Variants in PCDH15 observed in about 807,000 individuals in gnomAD.
PCDH15 encodes the protein protocadherin-15.
PCDH15 carries 129 observed loss-of-function variants against 178.5 expected under a neutral mutation model. The observed-to-expected ratio is 0.72, with a 90% CI of 0.63 to 0.84. The LOEUF (loss-of-function observed/expected upper bound fraction) is 0.84, where lower values mean the gene tolerates loss of function less well. Among genes scored for constraint, PCDH15 ranks in the 40% least tolerant of loss-of-function variants. The probability of loss-of-function intolerance (pLI) is 0.00; values close to 1 mark genes in which losing one functional copy is unlikely to be tolerated. For missense variants in PCDH15, 2,230 were observed against 2,099.9 expected, an observed-to-expected ratio of 1.06 and a Z score of -1.21; for synonymous variants, 800 against 732.0, an observed-to-expected ratio of 1.09 and a Z score of -1.50.
intron 18 of PCDH15, among the ~76,000 whole-genome samples, chr10:54,053,338 A>G (rs1444280876): frequency 1.3e-5 from 2 of 152,196 alleles, no homozygotes; most frequent in African/African-American, 4.8e-5. Flanking sequence ...ATGTCATTAA[A>G]TTTAGTTTCA....
At chr10:54,668,821 C>G (rs765519667) in intron 1 of PCDH15, among the ~76,000 whole-genome samples, 1 of 152,176 alleles carries the variant, frequency 6.6e-6, no homozygotes, top group Non-Finnish European at 1.5e-5. Flanking sequence ...TGAGAAACCC[C>G]ATACCAATAC....
intron 6 of PCDH15, among the ~76,000 whole-genome samples, chr10:54,331,252 C>A (rs1939491823): frequency 6.6e-6 from 1 of 151,754 alleles, no homozygotes; most frequent in African/African-American, 2.4e-5. Context: ...GAGCTGTGAT[C>A]TGTCTCCTTT....
At chr10:55,624,537 A>G (rs1837482704) in intron 2 of PCDH15, among the ~76,000 whole-genome samples, 1 of 152,140 alleles carries the variant, frequency 6.6e-6, no homozygotes, top group South Asian at 2.1e-4. Context: ...CTTTTTGTCT[A>G]TTGATATGTG....
intron 18 of PCDH15, among the ~76,000 whole-genome samples, chr10:54,043,393 C>A (rs1369907796): frequency 6.6e-6 from 1 of 151,878 alleles, no homozygotes; most frequent in Non-Finnish European, 1.5e-5. Context: ...CTCTCTTTCT[C>A]TTTCTTTCTT....
chr10:54,057,185 G>T (rs903702409), intron 18 of PCDH15, among the ~76,000 whole-genome samples: 15 of 152,134 alleles, frequency 9.9e-5, no homozygotes, highest in African/African-American at 3.4e-4. Flanking sequence ...ACTATTCTTG[G>T]GGCTGGAGGA....
At chr10:53,903,132 C>A (rs1207659454) in intron 26 of PCDH15, 111 bp downstream of exon 26, 18 of 1,264,066 alleles carry the variant, frequency 1.4e-5, no homozygotes, top group Non-Finnish European at 1.9e-5. Flanking sequence ...AAGTTTCAGG[C>A]TTTTGTTTAT....
intron 3 of PCDH15, among the ~76,000 whole-genome samples, chr10:54,489,714 C>T (rs1488469095): frequency 6.6e-6 from 1 of 152,114 alleles, no homozygotes; most frequent in African/African-American, 2.4e-5. Context: ...AACCTCAGAA[C>T]ATAATTACTA....
intron 3 of PCDH15, among the ~76,000 whole-genome samples, chr10:54,470,528 G>T (rs2077838307): frequency 6.6e-6 from 1 of 152,044 alleles, no homozygotes; most frequent in Non-Finnish European, 1.5e-5. Context: ...CTTCAGTGTG[G>T]GTATGGCACC....
intron 2 of PCDH15, among the ~76,000 whole-genome samples, chr10:55,155,197 T>C (rs1417982858): frequency 6.6e-6 from 1 of 152,124 alleles, no homozygotes; most frequent in African/African-American, 2.4e-5. Context: ...CATTACAGAA[T>C]ATATGTCTAA....
chr10:55,539,358 CATT>C (rs780828110), intron 2 of PCDH15, among the ~76,000 whole-genome samples: 3 of 151,816 alleles, frequency 2.0e-5, no homozygotes, highest in Non-Finnish European at 4.4e-5. Context: ...TCATCATTAT[CATT>C]ATGATCATCA....
chr10:55,398,652 T>C (rs1442456816), intron 2 of PCDH15, among the ~76,000 whole-genome samples: 1 of 152,202 alleles, frequency 6.6e-6, no homozygotes, highest in Non-Finnish European at 1.5e-5. Context: ...TTTCTCTTTC[T>C]AGTTTTATTT....
chr10:55,033,508 C>G (rs1278073327), intron 2 of PCDH15, among the ~76,000 whole-genome samples: 2 of 152,034 alleles, frequency 1.3e-5, no homozygotes, highest in Non-Finnish European at 2.9e-5. Context: ...TTCTTCTTGC[C>G]TACTTCTCCC....
At chr10:54,500,119 A>G (rs2080520991) in intron 3 of PCDH15, among the ~76,000 whole-genome samples, 1 of 151,632 alleles carries the variant, frequency 6.6e-6, no homozygotes, top group South Asian at 2.1e-4. Context: ...CAGCCATTAA[A>G]GAAAAACAAA....
At chr10:54,599,122 T>C (rs1478440967) in intron 2 of PCDH15, among the ~76,000 whole-genome samples, 1 of 152,054 alleles carries the variant, frequency 6.6e-6, no homozygotes, top group Non-Finnish European at 1.5e-5. Context: ...CAATTAGCAA[T>C]TACATTCTTC....
chr10:55,520,326 G>GTA (rs200235654), intron 2 of PCDH15, among the ~76,000 whole-genome samples: 742 of 44,582 alleles, frequency 0.017, 102 homozygotes, highest in Non-Finnish European at 0.027. Flanking sequence ...CATGCAATGT[G>GTA]TATATATATA....
At chr10:53,835,952 T>G (rs1460826145) in intron 29 of PCDH15, among the ~76,000 whole-genome samples, 1 of 152,164 alleles carries the variant, frequency 6.6e-6, no homozygotes, top group South Asian at 2.1e-4. Context: ...GCAAGGCTGG[T>G]GCACAGGCAG....
At chr10:54,689,941 A>G (rs905366793) in intron 1 of PCDH15, among the ~76,000 whole-genome samples, 1 of 152,202 alleles carries the variant, frequency 6.6e-6, no homozygotes, top group African/African-American at 2.4e-5. Flanking sequence ...AGAGGTCATC[A>G]AACAGACAAA....
At chr10:54,727,383 A>G (rs1478048778) in intron 1 of PCDH15, among the ~76,000 whole-genome samples, 1 of 151,624 alleles carries the variant, frequency 6.6e-6, no homozygotes, top group Non-Finnish European at 1.5e-5. Context: ...AGCAGAAAAC[A>G]AGAAATTATT....
chr10:54,996,704 G>A (rs1839652989), intron 2 of PCDH15, among the ~76,000 whole-genome samples: 1 of 152,118 alleles, frequency 6.6e-6, no homozygotes, highest in Non-Finnish European at 1.5e-5. Context: ...TGTGAACCTA[G>A]GCTTTTATGC....
Sources: gnomAD v4.1 joint callset for allele counts (sites outside exome capture counted in the v4.1 genomes callset) on GRCh38, gnomAD v4.1.1 for gene constraint, MANE v1.5 for transcripts, NCBI Gene and HGNC (gene_info 2026-07-23, HGNC 2026-07-21) for gene names.